Variants in CEP57L1 observed in about 807,000 individuals in gnomAD.
CEP57L1 encodes centrosomal protein CEP57L1.
In CEP57L1, 37 loss-of-function variants were observed where a neutral mutation model predicts 61.0. The observed-to-expected ratio is 0.61, with a 90% CI of 0.47 to 0.80. The LOEUF (loss-of-function observed/expected upper bound fraction) is 0.80. CEP57L1 is among the 30% of genes least tolerant of loss of function. The pLI is 0.00. For synonymous variants in CEP57L1, 137 were observed against 162.3 expected, an observed-to-expected ratio of 0.84 and a Z score of 1.19; for missense variants, 422 against 524.7, an observed-to-expected ratio of 0.80 and a Z score of 1.91.
rs992589147 is a variant in CEP57L1, at chr6:109,164,799, C to G, written c.*1829C>G. On this transcript the variant is annotated 3_prime_UTR_variant, in exon 11 of 11. Coordinates refer to ENST00000517392, the MANE Select transcript of CEP57L1 (RefSeq NM_001271852.3). Reference sequence around the variant, plus strand: ...AAATTATCATTAAAAATTTAAAAACCGTCCAGGCGCGGTGGCTCACACCTA... The same window carrying G: ...AAATTATCATTAAAAATTTAAAAACGGTCCAGGCGCGGTGGCTCACACCTA... 6.6e-6 allele frequency among the ~76,000 whole-genome samples: 1 copy of G among 151,698 alleles called. No homozygotes were observed. Among genetic ancestry groups the G allele is most frequent in the East Asian group, 1.9e-4 (1 of 5,158 alleles).
chr6:109,146,433 T>C (rs1771968432), intron 2 of CEP57L1, among the ~76,000 whole-genome samples: 1 of 151,976 alleles, frequency 6.6e-6, no homozygotes, highest in Non-Finnish European at 1.5e-5. Context: ...ATTTATACTC[T>C]TATGCTCCCC....
At position 109,167,452 on chromosome 6, in the gene CEP57L1, G is replaced by A. The variant is rs1197962509; in HGVS notation, c.*4482G>A. The stretch of plus-strand genomic sequence containing the variant: ...AATCCCAGCACTGTGAGAGGCCGAG[G>A]CAGGCGGATCACCTAAGTCAGGAGT... On this transcript the variant is annotated 3_prime_UTR_variant, in exon 11 of 11. Coordinates refer to ENST00000517392, the MANE Select transcript of CEP57L1 (RefSeq NM_001271852.3). Among the ~76,000 whole-genome samples the A allele has an allele frequency of 6.6e-6, 1 of 152,048 alleles. No individual in the cohort carries two copies. Among genetic ancestry groups the A allele is most frequent in the Non-Finnish European group, 1.5e-5 (1 of 68,008 alleles).
intron 1 of CEP57L1, among the ~76,000 whole-genome samples, chr6:109,109,589 G>T (rs149231984): frequency 6.6e-6 from 1 of 151,996 alleles, no homozygotes; most frequent in Non-Finnish European, 1.5e-5. Context: ...TATGCAGAAC[G>T]TGCAGGTTTG....
Position 109,113,588 on chromosome 6 carries a change from T to A in CEP57L1, c.-4+18013T>A, listed in dbSNP as rs78842630. Among the ~76,000 whole-genome samples, 1,264 of 152,270 alleles carry A rather than the reference T, an allele frequency of 8.3e-3. 24 individuals carry two copies. The highest frequency in any genetic ancestry group is 0.029 in the African/African-American group (1,213 of 41,548). On this transcript the variant is annotated intron_variant, in intron 1 of 10. Coordinates refer to ENST00000517392, the MANE Select transcript of CEP57L1 (RefSeq NM_001271852.3). Reference sequence around the variant, plus strand: ...TGTAAAGACTTCTTCATTAAATCTATGATGTCAAAGATTATAAGTCACAGC... The same window carrying A: ...TGTAAAGACTTCTTCATTAAATCTAAGATGTCAAAGATTATAAGTCACAGC...
chr6:109,162,070 G>T (rs764825093), intron 10 of CEP57L1, among the ~76,000 whole-genome samples: 5 of 151,840 alleles, frequency 3.3e-5, no homozygotes, highest in Non-Finnish European at 7.4e-5. Flanking sequence ...AGGTGATAAA[G>T]TTATTCCCTT....
chr6:109,112,610 C>T (rs1272512315), intron 1 of CEP57L1, among the ~76,000 whole-genome samples: 1 of 151,850 alleles, frequency 6.6e-6, no homozygotes, highest in African/African-American at 2.4e-5. Flanking sequence ...TGTTAGGTGT[C>T]GAATTTTGAT....
chr6:109,105,864 C>T (rs1395576285), intron 1 of CEP57L1, among the ~76,000 whole-genome samples: 2 of 152,162 alleles, frequency 1.3e-5, no homozygotes, highest in Non-Finnish European at 2.9e-5. Context: ...TTTACAGCTG[C>T]TCTCCATTGC....
chr6:109,159,341 C>A lies in CEP57L1; in HGVS notation c.895C>A (p.Pro299Thr), dbSNP rs762886092. Reference protein sequence around the residue: ...NVTETRCLPKPSRTTSWCKAI... With the variant: ...NVTETRCLPKTSRTTSWCKAI... ...GACTGAGACTAGATGTCTCCCCAAG[C>A]CTTCTAGAACAACTTCCTGGTGTAA... Residue 299 changes from proline (P) to threonine (T), a missense_variant, in exon 9 of 11, where the codon CCT becomes ACT. Transcript: ENST00000517392. 1 of 1,614,092 alleles carries A rather than the reference C, an allele frequency of 6.2e-7. No individual in the cohort carries two copies.
intron 1 of CEP57L1, among the ~76,000 whole-genome samples, chr6:109,134,137 G>C (rs1379898840): frequency 6.6e-6 from 1 of 152,142 alleles, no homozygotes; most frequent in Admixed American, 6.5e-5. Flanking sequence ...CAATATCCCT[G>C]ATGAACATCG....
intron 5 of CEP57L1, 77 bp from the exon 6 acceptor site, chr6:109,155,153 G>A: frequency 1.3e-6 from 1 of 784,694 alleles, no homozygotes; most frequent in Non-Finnish European, 2.0e-6. Flanking sequence ...GACCCCCTAG[G>A]ACTCTATTTG....
intron 10 of CEP57L1, 29 bp downstream of exon 10, chr6:109,160,745 T>G: frequency 6.4e-7 from 1 of 1,564,628 alleles, no homozygotes; most frequent in South Asian, 1.2e-5. Context: ...GAGATTTTAA[T>G]AAAAACACAA....
At chr6:109,160,888 C>T in intron 10 of CEP57L1, 172 bp downstream of exon 10, 1 of 495,462 alleles carries the variant, frequency 2.0e-6, no homozygotes, top group Non-Finnish European at 3.4e-6. Flanking sequence ...ATTGGAATAA[C>T]ATGGACCTCC....
At chr6:109,117,869 T>C (rs1264572936) in intron 1 of CEP57L1, among the ~76,000 whole-genome samples, 1 of 152,160 alleles carries the variant, frequency 6.6e-6, no homozygotes, top group Non-Finnish European at 1.5e-5. Flanking sequence ...TTCTCTGTGC[T>C]CCTCTATTTT....
At chr6:109,119,766 G>A (rs185131491) in intron 1 of CEP57L1, among the ~76,000 whole-genome samples, 5 of 152,294 alleles carry the variant, frequency 3.3e-5, no homozygotes, top group Admixed American at 2.6e-4. Flanking sequence ...TGCAGGAGCA[G>A]TATAAAGTTA....
intron 1 of CEP57L1, among the ~76,000 whole-genome samples, chr6:109,111,331 A>C (rs562215378): frequency 1.1e-4 from 16 of 151,412 alleles, no homozygotes; most frequent in Non-Finnish European, 2.1e-4. Flanking sequence ...TCTGTCTGTT[A>C]TTGGTTTATA....
intron 10 of CEP57L1, among the ~76,000 whole-genome samples, chr6:109,160,935 A>G (rs1562150606): frequency 6.6e-6 from 1 of 152,180 alleles, no homozygotes; most frequent in Non-Finnish European, 1.5e-5. Flanking sequence ...TTAAGTGAGC[A>G]AATAAGTTCA....
chr6:109,153,779 C>T, intron 4 of CEP57L1, 54 bp from the exon 5 acceptor site: 1 of 907,304 alleles, frequency 1.1e-6, no homozygotes, highest in Non-Finnish European at 1.8e-6. Flanking sequence ...ATTCTTGTTC[C>T]ATTGGCATTA....
chr6:109,110,303 T>G (rs951444028), intron 1 of CEP57L1, among the ~76,000 whole-genome samples: 4 of 152,234 alleles, frequency 2.6e-5, no homozygotes, highest in African/African-American at 9.6e-5. Context: ...GATGATGAGC[T>G]TTTTTTCATA....
Position 109,146,782 on chromosome 6 carries a change from T to C in CEP57L1, c.185T>C (p.Leu62Pro). The change falls in exon 3 of 11, where the codon CTT (leucine) becomes CCT (proline). Residue 62 changes from leucine to proline, a missense_variant. Coordinates refer to ENST00000517392, the MANE Select transcript of CEP57L1 (RefSeq NM_001271852.3). The stretch of plus-strand genomic sequence containing the variant: ...GCTCTTATTTTAGCCTTAAAAACTC[T>C]TCAGGAAAAAATTCATCGTTTAGAG... ...SQALILALKT[L>P]QEKIHRLELE... is the part of the protein sequence containing the mutation. 1.9e-6 allele frequency: 3 copies of C among 1,577,686 alleles called. No homozygotes were observed. Among genetic ancestry groups the C allele is most frequent in the South Asian group, 2.4e-5 (2 of 83,766 alleles).
Sources: allele counts gnomAD v4.1 joint callset (sites outside exome capture counted in the v4.1 genomes callset), GRCh38; gene constraint gnomAD v4.1.1; transcripts MANE v1.5; gene names NCBI Gene and HGNC (gene_info 2026-07-23, HGNC 2026-07-21).